ALDH4A1: variants seen among roughly 807,000 people sequenced by gnomAD.
The protein encoded by ALDH4A1 is aldehyde dehydrogenase 4 family member A1.
In ALDH4A1, 46 loss-of-function variants were observed where a neutral mutation model predicts 70.5. That is an observed-to-expected ratio of 0.65 (90% CI 0.51 to 0.83). ALDH4A1 has a LOEUF of 0.83. Among genes scored for constraint, ALDH4A1 ranks in the 40% least tolerant of loss-of-function variants. The pLI, the probability that ALDH4A1 is intolerant of heterozygous loss-of-function variation, is 0.00. For missense variants in ALDH4A1, 749 were observed against 766.5 expected (o/e 0.98, Z 0.27); for synonymous variants, 323 against 324.3 (o/e 1.00, Z 0.04).
At chr1:18,881,596 C>A in intron 8 of ALDH4A1, 104 bp downstream of exon 8, 3 of 1,272,600 alleles carry the variant, frequency 2.4e-6, no homozygotes, top group Non-Finnish European at 3.4e-6. Flanking sequence ...GGAGTAGAGT[C>A]CGTGCATGAC....
intron 1 of ALDH4A1, among the ~76,000 whole-genome samples, chr1:18,894,460 T>C (rs1415725400): frequency 1.3e-5 from 2 of 152,208 alleles, no homozygotes; most frequent in Non-Finnish European, 2.9e-5. Context: ...GGAGAATCAC[T>C]TGAACCTGGG....
At chr1:18,894,529 C>A (rs1557626949) in intron 1 of ALDH4A1, among the ~76,000 whole-genome samples, 1 of 152,208 alleles carries the variant, frequency 6.6e-6, no homozygotes, top group Non-Finnish European at 1.5e-5. Flanking sequence ...GGCAAGAGAG[C>A]AAGACTCCAT....
At chr1:18,879,465 C>T in intron 8 of ALDH4A1, 92 bp from the exon 9 acceptor site, 3 of 1,181,022 alleles carry the variant, frequency 2.5e-6, no homozygotes, top group Non-Finnish European at 3.7e-6. Flanking sequence ...GGGGGCAGCC[C>T]AGCAGGAGGT....
At position 18,879,348 on chromosome 1, in the gene ALDH4A1, C is replaced by A. The variant is rs1207467059; in HGVS notation, c.892G>T (p.Val298Leu). ...VPTFKHLWKQ[V>L]AQNLDRFHTF... is the part of the protein sequence containing the mutation. The stretch of plus-strand genomic sequence containing the variant: ...TGGAACCGGTCCAGGTTCTGGGCCA[C>A]CTGCTTCCACAGGTGTTTGAAGGTG... Residue 298 changes from valine to leucine, a missense_variant, in exon 9 of 15, where the codon GTG becomes TTG. By Grantham distance (32) the Val-to-Leu change is conservative (BLOSUM62 1). Transcript: ENST00000375341. 6.2e-7 allele frequency: 1 copy of A among 1,611,474 alleles called. No individual in the cohort carries two copies. Among genetic ancestry groups the A allele is most frequent in the Non-Finnish European group, 8.5e-7 (1 of 1,179,018 alleles).
Position 18,883,145 on chromosome 1 carries a change from C to T in ALDH4A1, c.657G>A (p.Leu219=), listed in dbSNP as rs1935051487. 6.2e-7 allele frequency: 1 copy of T among 1,613,078 alleles called. No individual in the cohort carries two copies. The highest frequency in any genetic ancestry group is 1.3e-5 in the African/African-American group (1 of 74,952). The change falls in exon 7 of 15, where the codon CTG becomes CTA. Residue 219 remains leucine, a synonymous_variant. Coordinates refer to ENST00000375341, the MANE Select transcript of ALDH4A1 (RefSeq NM_003748.4). The part of the protein sequence containing the change: ...PFNFTAIGGN[L]AGAPALMGNV... ...TCACCATCAGGGCCGGTGCCCCCGC[C>T]AGGTTGCCGCCGATTGCAGTGAAGT...
In ALDH4A1 at chr1:18,875,346, G is replaced by A. The variant is rs182544904; in HGVS notation, c.1460+36C>T. The A allele has an allele frequency of 2.6e-4, 427 of 1,613,672 alleles. 1 individual carries two copies. The African/African-American group carries it at 5.2e-3, about 19-fold the overall frequency. On this transcript the variant is annotated intron_variant, in intron 13 of 14. Coordinates refer to ENST00000375341, the MANE Select transcript of ALDH4A1 (RefSeq NM_003748.4). ...GGATGGGGACACGGACAGGACACCC[G>A]GAGCACAGCACCAGGGCTGCGGCCT...
At chr1:18,879,137 A>G (rs992942347) in intron 9 of ALDH4A1, among the ~76,000 whole-genome samples, 163 bp downstream of exon 9, 2 of 152,218 alleles carry the variant, frequency 1.3e-5, no homozygotes, top group Non-Finnish European at 2.9e-5. Context: ...AAGGTACTGG[A>G]CGCATCCCTC....
rs745699211 is a variant in ALDH4A1 at position 18,879,354 on chromosome 1, T to C, written c.886A>G (p.Lys296Glu). ...CGGTCCAGGTTCTGGGCCACCTGCT[T>C]CCACAGGTGTTTGAAGGTGCTGGAA... ...GSVPTFKHLW[K>E]QVAQNLDRFH... is the part of the protein sequence containing the mutation. The change falls in exon 9 of 15, where the codon AAG becomes GAG. Residue 296 changes from lysine to glutamate, a missense_variant. By Grantham distance (56) the Lys-to-Glu change is moderately conservative. Coordinates refer to ENST00000375341, the MANE Select transcript of ALDH4A1 (RefSeq NM_003748.4). 4.3e-6 allele frequency: 7 copies of C among 1,611,466 alleles called. No individual in the cohort carries two copies. In the Admixed American group the frequency reaches 1.2e-4, roughly 27 times the overall value.
chr1:18,901,351 G>A (rs1008495481), intron 1 of ALDH4A1, among the ~76,000 whole-genome samples: 1 of 152,192 alleles, frequency 6.6e-6, no homozygotes, highest in African/African-American at 2.4e-5. Flanking sequence ...AAGGGAGAGG[G>A]CCACTGATTA....
chr1:18,881,654 G>GCCTGTA (rs1366962553), intron 8 of ALDH4A1, 46 bp downstream of exon 8: 27 of 582,538 alleles, frequency 4.6e-5, no homozygotes, highest in African/African-American at 7.3e-5. Flanking sequence ...GTGAGCAGGT[G>GCCTGTA]AACGTCCCCT....
At chr1:18,889,937 G>A (rs1007395082) in intron 2 of ALDH4A1, 75 bp downstream of exon 2, 30 of 1,268,758 alleles carry the variant, frequency 2.4e-5, no homozygotes, top group Non-Finnish European at 3.0e-5. Flanking sequence ...GGCACGGGGC[G>A]CTATCTCAGG....
intron 9 of ALDH4A1, 22 bp downstream of exon 9, chr1:18,879,278 G>A (rs1440850457): frequency 6.3e-7 from 1 of 1,595,756 alleles, no homozygotes; most frequent in Non-Finnish European, 8.5e-7. Context: ...CACACGGGAG[G>A]AGGAGGTGAG....
At chr1:18,873,188 C>G (rs937674431) in intron 14 of ALDH4A1, among the ~76,000 whole-genome samples, 2 of 152,092 alleles carry the variant, frequency 1.3e-5, no homozygotes, top group Admixed American at 1.3e-4. Context: ...AGCCTTGCAT[C>G]CTTGCTGGGA....
chr1:18,902,555 C>A lies in ALDH4A1; in HGVS notation c.-32G>T, dbSNP rs1423422145. 2.0e-6 allele frequency: 3 copies of A among 1,470,012 alleles called. No homozygotes were observed. Among genetic ancestry groups the A allele is most frequent in the Non-Finnish European group, 2.7e-6 (3 of 1,108,830 alleles). 91.1% of individuals were successfully genotyped at this position (1,470,012 alleles called of 1,614,324 possible). A position where few individuals can be genotyped will look rare whatever the true frequency, so the allele number is the denominator to read the frequency against. The stretch of plus-strand genomic sequence containing the variant: ...TTAGAAGCGGGGCTGTTCGCTGGAT[C>A]GTCCGCCCGGGCGCGGCGAGAATGC... On this transcript the variant is annotated 5_prime_UTR_variant, in exon 1 of 15. Coordinates refer to ENST00000375341, the MANE Select transcript of ALDH4A1 (RefSeq NM_003748.4).
chr1:18,873,805 G>C (rs868186773), intron 14 of ALDH4A1, among the ~76,000 whole-genome samples: 9 of 152,172 alleles, frequency 5.9e-5, no homozygotes, highest in Admixed American at 4.6e-4. Flanking sequence ...CCTCGGTTCC[G>C]TGAGCTGTTC....
At chr1:18,885,432 C>CACACAA in intron 5 of ALDH4A1, 41 bp downstream of exon 5, 1 of 570,590 alleles carries the variant, frequency 1.8e-6, no homozygotes, top group African/African-American at 2.0e-5. Context: ...CTGACTCCCA[C>CACACAA]CCCACCCCGC....
intron 14 of ALDH4A1, among the ~76,000 whole-genome samples, chr1:18,874,174 C>A (rs1291842995): frequency 6.6e-6 from 1 of 152,210 alleles, no homozygotes; most frequent in Non-Finnish European, 1.5e-5. Context: ...GGTTGTTGGA[C>A]TTAAGGGACA....
At chr1:18,888,345 C>G (rs1189369252) in intron 3 of ALDH4A1, among the ~76,000 whole-genome samples, 1 of 152,180 alleles carries the variant, frequency 6.6e-6, no homozygotes, top group African/African-American at 2.4e-5. Flanking sequence ...ACTGCAGAAC[C>G]CCGTCAGCAC....
intron 1 of ALDH4A1, among the ~76,000 whole-genome samples, chr1:18,892,563 G>T (rs938809684): frequency 2.6e-5 from 4 of 151,722 alleles, no homozygotes; most frequent in South Asian, 2.1e-4. Context: ...GGAGGCGGGG[G>T]GGGGCTGAGA....
Sources: gnomAD v4.1 joint callset for allele counts (sites outside exome capture counted in the v4.1 genomes callset) on GRCh38, gnomAD v4.1.1 for gene constraint, MANE v1.5 for transcripts, NCBI Gene and HGNC (gene_info 2026-07-23, HGNC 2026-07-21) for gene names.